RCOR1: variants seen among roughly 807,000 people sequenced by gnomAD.
RCOR1 encodes REST corepressor 1, also known as REST corepressor.
RCOR1 carries 12 observed loss-of-function variants against 64.0 expected under a neutral mutation model. The observed-to-expected ratio is 0.19, with a 90% CI of 0.12 to 0.30. RCOR1 has a LOEUF of 0.30. Among genes scored for constraint, RCOR1 ranks in the 10% least tolerant of loss-of-function variants. The pLI, the probability that RCOR1 is intolerant of heterozygous loss-of-function variation, is 1.00. For synonymous variants in RCOR1, 279 were observed against 227.2 expected, an observed-to-expected ratio of 1.23 and a Z score of -2.05; for missense variants, 502 against 621.2, an observed-to-expected ratio of 0.81 and a Z score of 2.04.
intron 2 of RCOR1, chr14:102,657,098 C>CT (rs75384883): frequency 0.067 from 38,745 of 576,750 alleles, 234 homozygotes; most frequent in African/African-American, 0.12. Context: ...AAAGCCTAAT[C>CT]TTTTTTTTTT....
At chr14:102,613,166 A>G (rs1047302613) in intron 2 of RCOR1, among the ~76,000 whole-genome samples, 2 of 151,960 alleles carry the variant, frequency 1.3e-5, no homozygotes, top group African/African-American at 4.8e-5. Flanking sequence ...CAGTGGCACA[A>G]TCTCGGCTCA....
chr14:102,673,949 T>G (rs1595223497), intron 2 of RCOR1, among the ~76,000 whole-genome samples: 1 of 152,366 alleles, frequency 6.6e-6, no homozygotes, highest in Non-Finnish European at 1.5e-5. Flanking sequence ...TCCTCTATTT[T>G]TGTCCTATAG....
At chr14:102,692,269 G>A (rs1044861883) in intron 3 of RCOR1, among the ~76,000 whole-genome samples, 13 of 152,184 alleles carry the variant, frequency 8.5e-5, no homozygotes, top group Non-Finnish European at 1.6e-4. Context: ...TTTGGGATCA[G>A]TTCACCAAAT....
At chr14:102,617,590 T>TC (rs201182647) in intron 2 of RCOR1, among the ~76,000 whole-genome samples, 2 of 7,036 alleles carry the variant, frequency 2.8e-4, no homozygotes, top group Non-Finnish European at 9.5e-4. Context: ...TCTCTTTCTT[T>TC]TTTTTTTTTT....
intron 2 of RCOR1, among the ~76,000 whole-genome samples, chr14:102,617,823 T>C (rs1198820663): frequency 1.3e-5 from 2 of 151,926 alleles, no homozygotes; most frequent in East Asian, 3.8e-4. Context: ...CTCCTGACCT[T>C]GTGATCTGCC....
intron 2 of RCOR1, among the ~76,000 whole-genome samples, chr14:102,620,717 TAATA>T (rs1436363430): frequency 6.6e-6 from 1 of 152,142 alleles, no homozygotes; most frequent in African/African-American, 2.4e-5. Flanking sequence ...ACTCTGTTTC[TAATA>T]AATAAATAAA....
intron 2 of RCOR1, among the ~76,000 whole-genome samples, chr14:102,681,594 T>G (rs1337092746): frequency 6.6e-6 from 1 of 152,232 alleles, no homozygotes; most frequent in African/African-American, 2.4e-5. Flanking sequence ...ACATGAAGAA[T>G]TAACATTTTA....
intron 11 of RCOR1, among the ~76,000 whole-genome samples, chr14:102,724,366 C>A (rs1271565835): frequency 4.6e-5 from 7 of 152,000 alleles, no homozygotes; most frequent in African/African-American, 1.5e-4. Context: ...CCTCTGTCAC[C>A]CAGGCTGGAG....
At chr14:102,648,466 T>C (rs868154821) in intron 2 of RCOR1, among the ~76,000 whole-genome samples, 61 of 152,334 alleles carry the variant, frequency 4.0e-4, no homozygotes, top group Middle Eastern at 3.4e-3. Flanking sequence ...TGGAGTCAAC[T>C]GTTTGTCTAA....
At position 102,612,100 on chromosome 14, in the gene RCOR1, T is replaced by C. The variant is rs556049975; in HGVS notation, c.361+18775T>C. ...GGGATTACAGGATTTTGCCATCACA[T>C]CTGGCTAAGGGGGTGTGGAACCAGG... is the stretch of plus-strand genomic sequence containing the variant. On this transcript the variant is annotated intron_variant, in intron 2 of 11. Transcript: ENST00000262241. Among the ~76,000 whole-genome samples the C allele has an allele frequency of 4.6e-5, 7 of 151,544 alleles. No homozygotes were observed. In the East Asian group the frequency reaches 1.2e-3, roughly 25 times the overall value.
intron 2 of RCOR1, among the ~76,000 whole-genome samples, chr14:102,664,598 T>C (rs962756114): frequency 6.6e-6 from 1 of 152,182 alleles, no homozygotes; most frequent in Non-Finnish European, 1.5e-5. Flanking sequence ...CAGGTCTACA[T>C]GAGTTGCTGC....
intron 2 of RCOR1, among the ~76,000 whole-genome samples, chr14:102,661,118 A>G (rs1286681878): frequency 1.3e-5 from 2 of 152,158 alleles, no homozygotes; most frequent in Non-Finnish European, 2.9e-5. Context: ...AAGCTGAGGC[A>G]GGTGGATTGC....
At chr14:102,635,251 C>T (rs1192712351) in intron 2 of RCOR1, among the ~76,000 whole-genome samples, 1 of 152,218 alleles carries the variant, frequency 6.6e-6, no homozygotes, top group Non-Finnish European at 1.5e-5. Context: ...TGCCTATAAT[C>T]CCAGCACTTT....
chr14:102,636,851 A>C (rs1894250393), intron 2 of RCOR1, among the ~76,000 whole-genome samples: 1 of 151,414 alleles, frequency 6.6e-6, no homozygotes, highest in Non-Finnish European at 1.5e-5. Context: ...CACGCCTGTA[A>C]TCCCAGCTAT....
At chr14:102,617,285 A>G (rs1893780503) in intron 2 of RCOR1, among the ~76,000 whole-genome samples, 1 of 152,252 alleles carries the variant, frequency 6.6e-6, no homozygotes, top group South Asian at 2.1e-4. Flanking sequence ...ATACTCTGGA[A>G]AAATGAGATG....
At chr14:102,653,923 CTT>C (rs1894648036) in intron 2 of RCOR1, among the ~76,000 whole-genome samples, 1 of 17,218 alleles carries the variant, frequency 5.8e-5, no homozygotes, top group Non-Finnish European at 1.1e-4. Flanking sequence ...GTATTTCCTT[CTT>C]TCTTTCTTTC....
chr14:102,723,434 C>T (rs372052807), intron 11 of RCOR1, among the ~76,000 whole-genome samples: 5 of 152,316 alleles, frequency 3.3e-5, no homozygotes, highest in East Asian at 3.9e-4. Flanking sequence ...CCTCAAGGCA[C>T]AGCCATCTGT....
At chr14:102,667,178 C>T (rs1894930474) in intron 2 of RCOR1, among the ~76,000 whole-genome samples, 1 of 151,992 alleles carries the variant, frequency 6.6e-6, no homozygotes, top group African/African-American at 2.4e-5. Context: ...CCATCCTGGA[C>T]AAACAGGGCA....
At chr14:102,726,274 C>T (rs144858603) in intron 11 of RCOR1, among the ~76,000 whole-genome samples, 194 bp from the exon 12 acceptor site, 198 of 151,094 alleles carry the variant, frequency 1.3e-3, no homozygotes, top group African/African-American at 4.5e-3. Flanking sequence ...TGCAGCGAGC[C>T]GAGATAGCGC....
Sources: allele counts gnomAD v4.1 joint callset (sites outside exome capture counted in the v4.1 genomes callset), GRCh38; gene constraint gnomAD v4.1.1; transcripts MANE v1.5; gene names NCBI Gene and HGNC (gene_info 2026-07-23, HGNC 2026-07-21).